KCNQ5: variants seen among roughly 807,000 people sequenced by gnomAD.
KCNQ5 encodes potassium voltage-gated channel subfamily KQT member 5.
KCNQ5 carries 30 observed loss-of-function variants against 98.2 expected under a neutral mutation model. The ratio of observed to expected loss-of-function variants is 0.31; its 90% CI spans 0.23 to 0.41. The LOEUF (loss-of-function observed/expected upper bound fraction) is 0.41, where lower values mean the gene tolerates loss of function less well. KCNQ5 is among the 10% of genes least tolerant of loss of function. KCNQ5 has a pLI of 1.00. For missense variants in KCNQ5, 835 were observed against 1,182.5 expected, an observed-to-expected ratio of 0.71 and a Z score of 4.31; for synonymous variants, 458 against 449.4, an observed-to-expected ratio of 1.02 and a Z score of -0.24.
At chr6:73,168,012 G>T (rs1777868469) in intron 10 of KCNQ5, among the ~76,000 whole-genome samples, 1 of 152,148 alleles carries the variant, frequency 6.6e-6, no homozygotes, top group South Asian at 2.1e-4. Context: ...TATCATTATT[G>T]TGAGGTAGTA....
At chr6:72,958,469 C>T (rs1053451437) in intron 1 of KCNQ5, among the ~76,000 whole-genome samples, 8 of 152,206 alleles carry the variant, frequency 5.3e-5, no homozygotes, top group Non-Finnish European at 2.9e-5. Context: ...TCCATGGGCA[C>T]AATCACAGCC....
chr6:72,941,384 C>T (rs1025039085), intron 1 of KCNQ5, among the ~76,000 whole-genome samples: 4 of 98,030 alleles, frequency 4.1e-5, no homozygotes, highest in African/African-American at 1.2e-4. Context: ...TTCCTCCTTC[C>T]TTCCTTCCTC....
intron 6 of KCNQ5, 143 bp downstream of exon 6, chr6:73,105,510 A>G (rs1225661931): frequency 2.0e-5 from 9 of 449,594 alleles, no homozygotes; most frequent in Non-Finnish European, 1.2e-5. Context: ...ACTTTTCTAA[A>G]TATATCTACT....
At chr6:72,892,642 G>A (rs1779101433) in intron 1 of KCNQ5, among the ~76,000 whole-genome samples, 1 of 151,732 alleles carries the variant, frequency 6.6e-6, no homozygotes, top group African/African-American at 2.4e-5. Flanking sequence ...CATCTGAAAA[G>A]CAATTTGCAG....
chr6:72,823,523 G>A (rs1478945613), intron 1 of KCNQ5, among the ~76,000 whole-genome samples: 1 of 152,088 alleles, frequency 6.6e-6, no homozygotes, highest in Admixed American at 6.6e-5. Context: ...ATGCCTATGT[G>A]TTTTTTCAGC....
chr6:72,710,668 C>T (rs762940112), intron 1 of KCNQ5, among the ~76,000 whole-genome samples: 18 of 152,176 alleles, frequency 1.2e-4, no homozygotes, highest in Non-Finnish European at 2.1e-4. Flanking sequence ...ATGCACCCAA[C>T]ATTGGAGCAT....
chr6:72,792,905 A>G (rs758271649), intron 1 of KCNQ5, among the ~76,000 whole-genome samples: 24 of 152,216 alleles, frequency 1.6e-4, no homozygotes, highest in Admixed American at 8.5e-4. Context: ...TGGGTTGCAA[A>G]TATTTTAAAG....
At chr6:73,158,258 T>TTTTTTGTTG in intron 10 of KCNQ5, 1 of 24,212 alleles carries the variant, frequency 4.1e-5, no homozygotes, top group Non-Finnish European at 6.1e-5. Context: ...TGGAAGATTT[T>TTTTTTGTTG]TTTTTTTTTT....
intron 10 of KCNQ5, among the ~76,000 whole-genome samples, chr6:73,151,645 G>A (rs1777153587): frequency 6.6e-6 from 1 of 152,156 alleles, no homozygotes; most frequent in Non-Finnish European, 1.5e-5. Flanking sequence ...ATTGCGTCAG[G>A]TAACCAATCA....
chr6:72,985,327 A>T (rs1163326321), intron 1 of KCNQ5, among the ~76,000 whole-genome samples: 1 of 152,252 alleles, frequency 6.6e-6, no homozygotes, highest in African/African-American at 2.4e-5. Context: ...AGAAAATGGA[A>T]GGCATGTAAC....
intron 1 of KCNQ5, among the ~76,000 whole-genome samples, chr6:72,652,024 T>C (rs986154028): frequency 2.0e-5 from 3 of 152,034 alleles, no homozygotes; most frequent in African/African-American, 4.8e-5. Flanking sequence ...TTTTATAAGC[T>C]TTATTTATCT....
chr6:72,708,923 G>T (rs1769222970), intron 1 of KCNQ5, among the ~76,000 whole-genome samples: 1 of 152,078 alleles, frequency 6.6e-6, no homozygotes. Flanking sequence ...AAGTAATCAG[G>T]TTCCTACCAT....
At chr6:72,840,437 C>A (rs558439937) in intron 1 of KCNQ5, among the ~76,000 whole-genome samples, 186 of 152,276 alleles carry the variant, frequency 1.2e-3, no homozygotes, top group Admixed American at 2.0e-3. Flanking sequence ...AGTCCTCTTT[C>A]TCAGGCTCTC....
intron 1 of KCNQ5, among the ~76,000 whole-genome samples, chr6:72,757,706 T>G (rs78822287): frequency 0.043 from 6,581 of 152,240 alleles, 450 homozygotes; most frequent in African/African-American, 0.15. Context: ...TAACCCTGGT[T>G]AAGTCAGGGA....
chr6:72,979,278 T>C (rs1768311947), intron 1 of KCNQ5, among the ~76,000 whole-genome samples: 1 of 152,238 alleles, frequency 6.6e-6, no homozygotes, highest in Admixed American at 6.5e-5. Flanking sequence ...GTTGAACTAA[T>C]TTACTCCCAC....
chr6:72,998,131 T>G (rs1315616755), intron 1 of KCNQ5, among the ~76,000 whole-genome samples: 1 of 152,214 alleles, frequency 6.6e-6, no homozygotes, highest in Non-Finnish European at 1.5e-5. Flanking sequence ...TTCCCTCTGC[T>G]GATGAAGTTT....
intron 1 of KCNQ5, among the ~76,000 whole-genome samples, chr6:72,884,705 C>A (rs930889239): frequency 6.6e-6 from 1 of 152,036 alleles, no homozygotes; most frequent in South Asian, 2.1e-4. Flanking sequence ...CAACTTCAGC[C>A]TCCTGGGCTT....
intron 1 of KCNQ5, among the ~76,000 whole-genome samples, chr6:72,867,149 T>C (rs549079791): frequency 6.6e-6 from 1 of 152,352 alleles, no homozygotes; most frequent in South Asian, 2.1e-4. Flanking sequence ...ATTTGCTCTA[T>C]GGAAGGAAAT....
chr6:72,820,725 C>T (rs1233955830), intron 1 of KCNQ5, among the ~76,000 whole-genome samples: 1 of 151,986 alleles, frequency 6.6e-6, no homozygotes, highest in Non-Finnish European at 1.5e-5. Context: ...AGACAGGCAA[C>T]CCTCAAGATA....
Sources: gnomAD v4.1 joint callset for allele counts (sites outside exome capture counted in the v4.1 genomes callset) on GRCh38, gnomAD v4.1.1 for gene constraint, MANE v1.5 for transcripts, NCBI Gene and HGNC (gene_info 2026-07-23, HGNC 2026-07-21) for gene names.